WDR33: variants seen among roughly 807,000 people sequenced by gnomAD.
The protein encoded by WDR33 is pre-mRNA 3' end processing protein WDR33.
In WDR33, 47 loss-of-function variants were observed where a neutral mutation model predicts 164.9. The ratio of observed to expected loss-of-function variants is 0.29; its 90% CI spans 0.23 to 0.36. WDR33 has a LOEUF of 0.36. Among genes scored for constraint, WDR33 ranks in the 10% least tolerant of loss-of-function variants. WDR33 has a pLI of 1.00. For synonymous variants in WDR33, 505 were observed against 589.0 expected, an observed-to-expected ratio of 0.86 and a Z score of 2.06; for missense variants, 1,137 against 1,754.1, an observed-to-expected ratio of 0.65 and a Z score of 6.28.
Position 127,800,618 on chromosome 2 carries a change from C to A in WDR33, c.-24+10394G>T, listed in dbSNP as rs1266865138. ...CATCACTGCACTCCAGCCTGGGCAA[C>A]ATAATGAGACTCCGTCTCAAAAAAA... On this transcript the variant is annotated intron_variant, in intron 1 of 21. Coordinates refer to ENST00000322313, the MANE Select transcript of WDR33 (RefSeq NM_018383.5). Among the ~76,000 whole-genome samples, 6 of 113,496 alleles carry A rather than the reference C, an allele frequency of 5.3e-5. No homozygotes were observed. The Admixed American group carries it at 5.7e-4, about 11-fold the overall frequency. 74.5% of individuals were successfully genotyped at this position (113,496 alleles called of 152,430 possible). A position where few individuals can be genotyped will look rare whatever the true frequency, so the allele number is the denominator to read the frequency against.
chr2:127,748,466 G>C (rs759994222), intron 7 of WDR33, among the ~76,000 whole-genome samples: 2 of 152,164 alleles, frequency 1.3e-5, no homozygotes, highest in African/African-American at 2.4e-5. Context: ...GATGATGCTG[G>C]TGTAAGATTT....
In WDR33 at chr2:127,706,621, A is replaced by G. The variant is rs1181468284; in HGVS notation, c.3782-69T>C. ...CTGTTTGTCAGTAACTCCCAGTACA[A>G]ACTTTACTCTCTGATGACAATGGAC... On this transcript the variant is annotated intron_variant, in intron 21 of 21. Transcript: ENST00000322313. The surrounding 1 kb of genome is among the most constrained non-coding windows in gnomAD (Gnocchi z 5.1). 8.5e-6 allele frequency: 12 copies of G among 1,404,954 alleles called. No homozygotes were observed. In the Admixed American group the frequency reaches 2.1e-4, roughly 24 times the overall value. 87.0% of individuals were successfully genotyped at this position (1,404,954 alleles called of 1,614,324 possible). A position where few individuals can be genotyped will look rare whatever the true frequency, so the allele number is the denominator to read the frequency against.
At chr2:127,754,861 T>C (rs1687475824) in intron 7 of WDR33, among the ~76,000 whole-genome samples, 1 of 152,186 alleles carries the variant, frequency 6.6e-6, no homozygotes, top group South Asian at 2.1e-4. Context: ...TCTTTAAATA[T>C]CTGAAAATAA....
intron 1 of WDR33, among the ~76,000 whole-genome samples, chr2:127,784,192 A>G (rs1291802176): frequency 6.6e-6 from 1 of 152,152 alleles, no homozygotes; most frequent in Non-Finnish European, 1.5e-5. Flanking sequence ...TTATTTAAGT[A>G]TATGAAAAAT....
chr2:127,781,391 G>A (rs1385738160), intron 1 of WDR33, among the ~76,000 whole-genome samples: 1 of 152,124 alleles, frequency 6.6e-6, no homozygotes, highest in Non-Finnish European at 1.5e-5. Context: ...CTTGATTATG[G>A]TGGCGAACAC....
chr2:127,729,631 G>A (rs1244099989), intron 7 of WDR33, among the ~76,000 whole-genome samples: 1 of 152,028 alleles, frequency 6.6e-6, no homozygotes, highest in Non-Finnish European at 1.5e-5. Context: ...AAGTAGCTGG[G>A]ACTACAGGCG....
At chr2:127,771,808 G>A (rs771985654) in intron 1 of WDR33, among the ~76,000 whole-genome samples, 1 of 151,756 alleles carries the variant, frequency 6.6e-6, no homozygotes, top group African/African-American at 2.4e-5. Context: ...AGGGAGGGAG[G>A]GGGCAGGGGA....
At position 127,709,884 on chromosome 2, in the gene WDR33, ATCTC is replaced by A. The variant is rs1163586492; in HGVS notation, c.3309-32_3309-29del. On this transcript the variant is annotated intron_variant, in intron 18 of 21. Coordinates refer to ENST00000322313, the MANE Select transcript of WDR33 (RefSeq NM_018383.5). This position sits in a 1 kb window ranked among gnomAD's most constrained non-coding sequence, Gnocchi z 5.0. ...GTAAAGAGAAAACAGCAGAATGTCC[ATCTC>A]AGAGAACACCTTGCCACTCTAAGTT... The A allele has an allele frequency of 6.2e-7, 1 of 1,609,478 alleles. No homozygotes were observed. The highest frequency in any genetic ancestry group is 2.2e-5 in the East Asian group (1 of 44,860).
intron 1 of WDR33, among the ~76,000 whole-genome samples, chr2:127,781,767 G>C (rs1264060547): frequency 1.3e-5 from 2 of 151,572 alleles, no homozygotes; most frequent in Non-Finnish European, 1.5e-5. Context: ...CGGAGGCCGA[G>C]GTAGGCAGAT....
chr2:127,794,849 A>AAAAAAAAAAAAAG, intron 1 of WDR33, among the ~76,000 whole-genome samples: 1 of 142,686 alleles, frequency 7.0e-6, no homozygotes, highest in Non-Finnish European at 1.5e-5. Flanking sequence ...AAAAAAAAAA[A>AAAAAAAAAAAAAG]AAAGAAAGAA....
In WDR33 at chr2:127,702,899, TAGAA is replaced by T. The variant is rs556160182; in HGVS notation, c.*3420_*3423del. 1.3e-3 allele frequency: 223 copies of T among 167,062 alleles called. 1 individual carries two copies. The highest frequency in any genetic ancestry group is 0.01 in the Middle Eastern group (3 of 296). The allele number at this position is 167,062 out of a possible 1,614,324, so 10.3% of individuals were successfully genotyped here. A position where few individuals can be genotyped will look rare whatever the true frequency, so the allele number is the denominator to read the frequency against. ...ACGGTCTCTTCGGAAATCCTGCAAA[TAGAA>T]AGATAATTCTAGATCCGGAATACCT... is the stretch of plus-strand genomic sequence containing the variant. On this transcript the variant is annotated 3_prime_UTR_variant, in exon 22 of 22. Coordinates refer to ENST00000322313, the MANE Select transcript of WDR33 (RefSeq NM_018383.5).
chr2:127,701,993 C>A lies in WDR33; in HGVS notation c.*4330G>T. ...TGCTCTACATGGCAGCGCTGGGCGC[C>A]ACGCTGTTCGCCGCGCTGGGCCTTC... On this transcript the variant is annotated 3_prime_UTR_variant, in exon 22 of 22. Transcript: ENST00000322313. 5 of 1,337,108 alleles carry A rather than the reference C, an allele frequency of 3.7e-6. No individual in the cohort carries two copies. Among genetic ancestry groups the A allele is most frequent in the Admixed American group, 4.0e-5 (1 of 25,246 alleles). The allele number at this position is 1,337,108 out of a possible 1,614,324, so 82.8% of individuals were successfully genotyped here. A position where few individuals can be genotyped will look rare whatever the true frequency, so the allele number is the denominator to read the frequency against.
chr2:127,709,854 AAACTGT>A lies in WDR33; in HGVS notation c.3309-4_3310del, dbSNP rs1422466548. 1 of 1,613,696 alleles carries A rather than the reference AAACTGT, an allele frequency of 6.2e-7. No homozygotes were observed. The highest frequency in any genetic ancestry group is 1.3e-5 in the African/African-American group (1 of 74,894). ...ATGCCTCGGCGGGGCTCCTCTTCTG[AAACTGT>A]AAAGAGAAAACAGCAGAATGTCCAT... On this transcript the variant is annotated splice_acceptor_variant and splice_polypyrimidine_tract_variant and coding_sequence_variant and intron_variant, in exon 19 of 22. Transcript: ENST00000322313. LOFTEE classifies it high-confidence loss of function. This position sits in a 1 kb window ranked among gnomAD's most constrained non-coding sequence, Gnocchi z 5.0.
intron 18 of WDR33, among the ~76,000 whole-genome samples, chr2:127,711,780 A>ATATATTTTTTTTTTTTTTTTTTTT: frequency 4.5e-5 from 4 of 88,306 alleles, no homozygotes; most frequent in African/African-American, 1.9e-4. Flanking sequence ...ATATATATAT[A>ATATATTTTTTTTTTTTTTTTTTTT]TTTTTTTTTT....
At position 127,720,145 on chromosome 2, in the gene WDR33, C is replaced by T. The variant is rs751748088; in HGVS notation, c.1880G>A (p.Arg627Lys). Residue 627 changes from arginine (R) to lysine (K), a missense_variant, in exon 16 of 22, where the codon AGG becomes AAG. Physicochemically the swap from Arg to Lys is conservative, Grantham distance 26. Transcript: ENST00000322313. This position sits in a 1 kb window ranked among gnomAD's most constrained non-coding sequence, Gnocchi z 5.9. ...MGPPGPQGQFRPPGPQGQMGP... is the reference protein window; with the variant it reads ...MGPPGPQGQFKPPGPQGQMGP... ...CATTTGTCCCTGGGGTCCAGGAGGC[C>T]TAAACTGTCCCTGTGGACCTGGAGG... The T allele has an allele frequency of 6.2e-7, 1 of 1,614,146 alleles. No homozygotes were observed. The highest frequency in any genetic ancestry group is 1.1e-5 in the South Asian group (1 of 91,076).
At chr2:127,737,613 A>G in intron 7 of WDR33, 1 of 1,005,150 alleles carries the variant, frequency 9.9e-7, no homozygotes, top group Non-Finnish European at 1.2e-6. Context: ...TAGATGTATT[A>G]GTGCCAGCAG....
At chr2:127,806,695 GAA>G (rs199637095) in intron 1 of WDR33, among the ~76,000 whole-genome samples, 1 of 136,594 alleles carries the variant, frequency 7.3e-6, no homozygotes, top group South Asian at 2.3e-4. Context: ...CAACTCATTC[GAA>G]AAAAAAAAAA....
At chr2:127,729,549 T>C (rs1264567087) in intron 7 of WDR33, among the ~76,000 whole-genome samples, 1 of 151,822 alleles carries the variant, frequency 6.6e-6, no homozygotes, top group Non-Finnish European at 1.5e-5. Context: ...TGGAGTGCAG[T>C]GGCGCCATCT....
intron 7 of WDR33, among the ~76,000 whole-genome samples, chr2:127,761,322 TCCC>T (rs1687668221): frequency 6.6e-6 from 1 of 151,982 alleles, no homozygotes; most frequent in South Asian, 2.1e-4. Context: ...TGCCTCAGCC[TCCC>T]GAGTAGCTGG....
Sources: allele counts gnomAD v4.1 joint callset (sites outside exome capture counted in the v4.1 genomes callset), GRCh38; gene constraint gnomAD v4.1.1; non-coding constraint Gnocchi (gnomAD v3.1); transcripts MANE v1.5; gene names NCBI Gene and HGNC (gene_info 2026-07-23, HGNC 2026-07-21).